The following MAP2 variants were observed in gnomAD, a reference collection of about 807,000 sequenced individuals.
The protein encoded by MAP2 is microtubule-associated protein 2.
In MAP2, 14 loss-of-function variants were observed where a neutral mutation model predicts 137.6. The observed-to-expected ratio is 0.10, with a 90% CI of 0.07 to 0.16. The LOEUF is 0.16. MAP2 is among the 10% of genes least tolerant of loss of function. The probability of loss-of-function intolerance (pLI) is 1.00; values close to 1 mark genes in which losing one functional copy is unlikely to be tolerated. For synonymous variants in MAP2, 786 were observed against 782.3 expected, an observed-to-expected ratio of 1.00 and a Z score of -0.08; for missense variants, 2,088 against 2,191.5, an observed-to-expected ratio of 0.95 and a Z score of 0.94.
At position 209,468,317 on chromosome 2, in the gene MAP2, C is replaced by CTTTTTTTTTTTTTTTTTTTTTTTTTTTTT. The variant is rs11450792; in HGVS notation, c.-221-39254_-221-39253insTTTTTTTTTTTTTTTTTTTTTTTTTTTTT. 3.4e-5 allele frequency among the ~76,000 whole-genome samples: 3 copies of CTTTTTTTTTTTTTTTTTTTTTTTTTTTTT among 88,532 alleles called. 1 individual carries two copies. The highest frequency in any genetic ancestry group is 2.0e-5 in the Non-Finnish European group (1 of 49,822). 58.1% of individuals were successfully genotyped at this position (88,532 alleles called of 152,430 possible). A position where few individuals can be genotyped will look rare whatever the true frequency, so the allele number is the denominator to read the frequency against. ...GGAGGATTTTTTCAGTTTAGTGTTTCTTTTTTTTTTTTTTTTTTTTTGAGA... is the reference window on the plus strand; with the variant it reads ...GGAGGATTTTTTCAGTTTAGTGTTTCTTTTTTTTTTTTTTTTTTTTTTTTTTTTTTTTTTTTTTTTTTTTTTTTTTGAGA... On this transcript the variant is annotated intron_variant, in intron 1 of 15. Transcript: ENST00000682079.
chr2:209,445,940 T>C (rs1698948623), intron 1 of MAP2, among the ~76,000 whole-genome samples: 1 of 151,664 alleles, frequency 6.6e-6, no homozygotes, highest in Non-Finnish European at 1.5e-5. Context: ...GTACCTACAC[T>C]TCCTGCCCAT....
chr2:209,447,502 T>A (rs1273383502), intron 1 of MAP2, among the ~76,000 whole-genome samples: 1 of 152,056 alleles, frequency 6.6e-6, no homozygotes, highest in East Asian at 1.9e-4. Flanking sequence ...TGGTAGCAAC[T>A]CTCTCATTCA....
At chr2:209,432,223 G>C (rs1694481246) in intron 1 of MAP2, among the ~76,000 whole-genome samples, 1 of 152,106 alleles carries the variant, frequency 6.6e-6, no homozygotes, top group Non-Finnish European at 1.5e-5. Context: ...TAGCTAAGAA[G>C]AAGTAAGCTA....
At chr2:209,683,748 A>G (rs1198394758) in intron 7 of MAP2, among the ~76,000 whole-genome samples, 1 of 152,180 alleles carries the variant, frequency 6.6e-6, no homozygotes, top group African/African-American at 2.4e-5. Context: ...ATACCCTCAA[A>G]GCAACTTTAA....
chr2:209,606,272 T>C (rs2084721028), intron 3 of MAP2, among the ~76,000 whole-genome samples: 1 of 152,210 alleles, frequency 6.6e-6, no homozygotes, highest in East Asian at 1.9e-4. Flanking sequence ...TATGTGTCTA[T>C]GGTTAAAAAT....
In MAP2 at chr2:209,645,677, A is replaced by G. The variant is rs143477911; in HGVS notation, c.-29-7465A>G. On this transcript the variant is annotated intron_variant, in intron 4 of 15. Transcript: ENST00000682079. ...CTATTGTAAGAACTATGCTCAAACT[A>G]AAATGTTAAAAGGTAATATGTACAG... 3.1e-3 allele frequency among the ~76,000 whole-genome samples: 467 copies of G among 152,344 alleles called. 3 individuals carry two copies. Among genetic ancestry groups the G allele is most frequent in the Non-Finnish European group, 4.5e-3 (303 of 68,028 alleles).
At chr2:209,652,185 T>C (rs956122613) in intron 4 of MAP2, among the ~76,000 whole-genome samples, 1 of 152,146 alleles carries the variant, frequency 6.6e-6, no homozygotes, top group Non-Finnish European at 1.5e-5. Flanking sequence ...TAAGAGAAGG[T>C]CATGCAGTAT....
intron 3 of MAP2, among the ~76,000 whole-genome samples, chr2:209,608,110 A>G (rs2085441063): frequency 6.6e-6 from 1 of 152,164 alleles, no homozygotes; most frequent in African/African-American, 2.4e-5. Context: ...GATGCAGTAG[A>G]AAGAATGTGA....
rs542821295 is a variant in MAP2 at position 209,484,363 on chromosome 2, T to C, written c.-221-23229T>C. Among the ~76,000 whole-genome samples the C allele has an allele frequency of 4.0e-5, 6 of 149,586 alleles. No individual in the cohort carries two copies. In the Middle Eastern group the frequency reaches 0.018, roughly 442 times the overall value. On this transcript the variant is annotated intron_variant, in intron 1 of 15. Coordinates refer to ENST00000682079, the MANE Select transcript of MAP2 (RefSeq NM_001375505.1). ...GGCTCACGCCCGTAATCCCAGCACT[T>C]TGGGAGGCCGAGGCATTACCAAGAA...
chr2:209,597,100 T>A (rs2081488096), intron 3 of MAP2, among the ~76,000 whole-genome samples: 1 of 152,202 alleles, frequency 6.6e-6, no homozygotes, highest in Admixed American at 6.5e-5. Flanking sequence ...GTAAGTGTGC[T>A]CTTTGCCACT....
intron 4 of MAP2, among the ~76,000 whole-genome samples, chr2:209,637,000 G>T (rs2093624313): frequency 6.6e-6 from 1 of 152,206 alleles, no homozygotes; most frequent in Admixed American, 6.5e-5. Context: ...AGCTTCGTCA[G>T]GTGAATTTTT....
chr2:209,442,460 A>T (rs1011264113), intron 1 of MAP2, among the ~76,000 whole-genome samples: 1 of 151,634 alleles, frequency 6.6e-6, no homozygotes, highest in Non-Finnish European at 1.5e-5. Context: ...AATGATTGAA[A>T]TAGTAAGAGA....
chr2:209,467,102 A>G (rs1418260583), intron 1 of MAP2, among the ~76,000 whole-genome samples: 1 of 152,182 alleles, frequency 6.6e-6, no homozygotes, highest in Admixed American at 6.5e-5. Flanking sequence ...ACTCTAATTG[A>G]CAGAGCAAAA....
intron 7 of MAP2, among the ~76,000 whole-genome samples, chr2:209,682,967 G>T (rs1384014344): frequency 2.0e-5 from 3 of 152,118 alleles, no homozygotes; most frequent in African/African-American, 7.2e-5. Flanking sequence ...TTAACCCAGA[G>T]AGGGATATGA....
intron 11 of MAP2, among the ~76,000 whole-genome samples, chr2:209,703,584 C>G (rs1361056057): frequency 1.3e-5 from 2 of 152,034 alleles, no homozygotes; most frequent in Non-Finnish European, 2.9e-5. Context: ...TTTTAAACAA[C>G]AAAATTTAAG....
chr2:209,508,258 T>C (rs1266614035), intron 2 of MAP2, among the ~76,000 whole-genome samples: 1 of 151,800 alleles, frequency 6.6e-6, no homozygotes. Flanking sequence ...CTTCTATTTT[T>C]TTTCAACATG....
chr2:209,673,719 A>G (rs1047029567), intron 5 of MAP2, among the ~76,000 whole-genome samples: 1 of 151,848 alleles, frequency 6.6e-6, no homozygotes, highest in African/African-American at 2.4e-5. Flanking sequence ...TCCCCAATTT[A>G]TGTGTAATCT....
intron 3 of MAP2, among the ~76,000 whole-genome samples, chr2:209,592,529 A>G (rs1010965905): frequency 6.6e-6 from 1 of 152,168 alleles, no homozygotes; most frequent in Non-Finnish European, 1.5e-5. Context: ...ATATATTCAC[A>G]TGGTACTTAT....
chr2:209,488,760 A>G (rs1389957811), intron 1 of MAP2, among the ~76,000 whole-genome samples: 1 of 152,198 alleles, frequency 6.6e-6, no homozygotes, highest in Non-Finnish European at 1.5e-5. Flanking sequence ...TAGCCAGGGC[A>G]TCTCTGAAAG....
Sources: gnomAD v4.1 joint callset for allele counts (sites outside exome capture counted in the v4.1 genomes callset) on GRCh38, gnomAD v4.1.1 for gene constraint, MANE v1.5 for transcripts, NCBI Gene and HGNC (gene_info 2026-07-23, HGNC 2026-07-21) for gene names.